WDR35: variants seen among roughly 807,000 people sequenced by gnomAD.
WDR35 encodes WD repeat domain 35, also known as WD repeat-containing protein 35.
A neutral mutation model predicts 158.3 loss-of-function variants in WDR35; 118 were observed. The ratio of observed to expected loss-of-function variants is 0.75; its 90% CI spans 0.64 to 0.87. The LOEUF is 0.87. WDR35 is among the 40% of genes least tolerant of loss of function. The pLI is 0.00. For missense variants in WDR35, 1,263 were observed against 1,405.8 expected, an observed-to-expected ratio of 0.90 and a Z score of 1.62; for synonymous variants, 448 against 476.1, an observed-to-expected ratio of 0.94 and a Z score of 0.77.
chr2:19,969,812 A>AT (rs977840087), intron 8 of WDR35, among the ~76,000 whole-genome samples: 2 of 148,742 alleles, frequency 1.3e-5, no homozygotes, highest in African/African-American at 5.0e-5. Context: ...CAGTGGCGTG[A>AT]TCTCGGCTCA....
intron 12 of WDR35, among the ~76,000 whole-genome samples, chr2:19,953,364 A>G (rs1395863867): frequency 6.6e-6 from 1 of 152,150 alleles, no homozygotes; most frequent in African/African-American, 2.4e-5. Flanking sequence ...CAAGAAAAAG[A>G]AGCTAAGTCC....
At chr2:19,939,517 G>C (rs1283956112) in intron 17 of WDR35, among the ~76,000 whole-genome samples, 1 of 152,008 alleles carries the variant, frequency 6.6e-6, no homozygotes, top group Non-Finnish European at 1.5e-5. Context: ...CTCACTTTCA[G>C]GTTATCTAAT....
chr2:19,933,289 A>T, intron 22 of WDR35, 112 bp downstream of exon 22: 2 of 871,734 alleles, frequency 2.3e-6, no homozygotes, highest in Non-Finnish European at 3.7e-6. Flanking sequence ...AGGCTCTCCA[A>T]CCCTTACATT....
chr2:19,965,741 C>A (rs1558350271), intron 10 of WDR35, among the ~76,000 whole-genome samples: 1 of 152,192 alleles, frequency 6.6e-6, no homozygotes, highest in Admixed American at 6.5e-5. Flanking sequence ...AGGGCAGCTG[C>A]CTGTGGACTC....
intron 2 of WDR35, among the ~76,000 whole-genome samples, chr2:19,988,944 TC>T (rs1672656073): frequency 6.6e-6 from 1 of 152,230 alleles, no homozygotes; most frequent in Admixed American, 6.5e-5. Context: ...TCATTATTTT[TC>T]ATTTTCCATT....
In WDR35 at chr2:19,946,469, G is replaced by A. The variant is rs781307450; in HGVS notation, c.1626C>T (p.Cys542=). ...NCRAYQLSLN[C]NSSRLAIIDI... Reference sequence around the variant, plus strand: ...AGAGTTTTCAGGCTTACCTAGAGTTGCAATTCAAGGATAACTGGTAGGCTC... The same window carrying A: ...AGAGTTTTCAGGCTTACCTAGAGTTACAATTCAAGGATAACTGGTAGGCTC... Residue 542 remains cysteine (C), a synonymous_variant, in exon 15 of 27, where the codon TGC becomes TGT. Coordinates refer to ENST00000281405, the MANE Select transcript of WDR35 (RefSeq NM_020779.4). 6.2e-7 allele frequency: 1 copy of A among 1,613,066 alleles called. No individual in the cohort carries two copies. Among genetic ancestry groups the A allele is most frequent in the South Asian group, 1.1e-5 (1 of 91,068 alleles).
At chr2:19,958,954 A>T (rs1400446146) in intron 11 of WDR35, among the ~76,000 whole-genome samples, 1 of 152,176 alleles carries the variant, frequency 6.6e-6, no homozygotes, top group Non-Finnish European at 1.5e-5. Flanking sequence ...GGCAAAACAA[A>T]AATAATAAAT....
intron 25 of WDR35, 84 bp downstream of exon 25, chr2:19,930,312 C>T: frequency 1.3e-6 from 2 of 1,592,232 alleles, no homozygotes; most frequent in South Asian, 2.2e-5. Context: ...TTGAAGGCCA[C>T]ATAAAGGCAA....
intron 3 of WDR35, 131 bp downstream of exon 3, chr2:19,982,332 C>T (rs576754536): frequency 4.5e-6 from 4 of 882,680 alleles, no homozygotes; most frequent in Non-Finnish European, 7.2e-6. Context: ...ATATCCCCAT[C>T]GTAACTCAAA....
At chr2:19,932,569 G>A (rs1670559102) in intron 22 of WDR35, 122 bp from the exon 23 acceptor site, 3 of 1,221,332 alleles carry the variant, frequency 2.5e-6, no homozygotes, top group Non-Finnish European at 3.5e-6. Flanking sequence ...AAACTGGTAT[G>A]TTTTAAAAAT....
chr2:19,944,450 TG>T (rs1670982168), intron 16 of WDR35, among the ~76,000 whole-genome samples: 1 of 152,116 alleles, frequency 6.6e-6, no homozygotes, highest in African/African-American at 2.4e-5. Flanking sequence ...TCCAGGCATA[TG>T]ATTTGTGATT....
chr2:19,981,453 T>A (rs1460140445), intron 3 of WDR35, among the ~76,000 whole-genome samples: 1 of 152,206 alleles, frequency 6.6e-6, no homozygotes, highest in Non-Finnish European at 1.5e-5. Context: ...AGACACTTGT[T>A]CTTCTCATTC....
At position 19,960,533 on chromosome 2, in the gene WDR35, T is replaced by A. The variant is rs1002399876; in HGVS notation, c.1255+21A>T. The A allele has an allele frequency of 1.5e-5, 23 of 1,578,328 alleles. No homozygotes were observed. The Admixed American group carries it at 2.2e-4, about 15-fold the overall frequency. ...AAATAAAACCTGATTGGAAAAGAAA[T>A]AAATATCAACATTTCCTTACCAATA... On this transcript the variant is annotated intron_variant, in intron 11 of 26. Transcript: ENST00000281405.
chr2:19,988,695 A>C lies in WDR35; in HGVS notation c.142+470T>G, dbSNP rs757888517. ...TCCAGAGAACTAGATAAAGAAAGAA[A>C]TCAAGCAGCAAAGACAAGAGACCTA... On this transcript the variant is annotated intron_variant, in intron 2 of 26. Transcript: ENST00000281405. Among the ~76,000 whole-genome samples, 14 of 152,298 alleles carry C rather than the reference A, an allele frequency of 9.2e-5. No individual in the cohort carries two copies. In the Middle Eastern group the frequency reaches 0.017, roughly 185 times the overall value.
In WDR35 at chr2:19,948,162, A is replaced by G; in HGVS notation, c.1524+2T>C. 6.2e-7 allele frequency: 1 copy of G among 1,606,414 alleles called. No individual in the cohort carries two copies. The highest frequency in any genetic ancestry group is 8.5e-7 in the Non-Finnish European group (1 of 1,177,094). Reference sequence around the variant, plus strand: ...CATAAAATAAGTTTTTGCAAAACTTACCACAATCAATATCTTATCTGATGC... The same window carrying G: ...CATAAAATAAGTTTTTGCAAAACTTGCCACAATCAATATCTTATCTGATGC... On this transcript the variant is annotated splice_donor_variant, in intron 14 of 26. Coordinates refer to ENST00000281405, the MANE Select transcript of WDR35 (RefSeq NM_020779.4). LOFTEE classifies it high-confidence loss of function.
chr2:19,975,019 C>A (rs1307512213), intron 6 of WDR35, among the ~76,000 whole-genome samples: 1 of 152,206 alleles, frequency 6.6e-6, no homozygotes. Context: ...GATAGCTAAA[C>A]CTTGCAAAGC....
chr2:19,914,399 A>G, intron 25 of WDR35, 122 bp from the exon 26 acceptor site: 1 of 1,280,428 alleles, frequency 7.8e-7, no homozygotes, highest in South Asian at 1.3e-5. Context: ...GAAAGCAAAC[A>G]GTGTTGAGAG....
At chr2:19,974,821 A>G (rs555736886) in intron 6 of WDR35, among the ~76,000 whole-genome samples, 188 bp from the exon 7 acceptor site, 4 of 152,346 alleles carry the variant, frequency 2.6e-5, no homozygotes, top group South Asian at 2.1e-4. Context: ...TTTTCCCCAC[A>G]TGTAAAAAAT....
At chr2:19,958,258 T>A (rs1378950490) in intron 11 of WDR35, among the ~76,000 whole-genome samples, 3 of 152,214 alleles carry the variant, frequency 2.0e-5, no homozygotes, top group Non-Finnish European at 4.4e-5. Context: ...CATGCCTTCA[T>A]TCCTCTGCAA....
Sources: gnomAD v4.1 joint callset for allele counts (sites outside exome capture counted in the v4.1 genomes callset) on GRCh38, gnomAD v4.1.1 for gene constraint, MANE v1.5 for transcripts, NCBI Gene and HGNC (gene_info 2026-07-23, HGNC 2026-07-21) for gene names.